Variants in CCL7 observed in about 807,000 individuals in gnomAD.
CCL7 encodes the protein C-C motif chemokine ligand 7.
A neutral mutation model predicts 7.1 loss-of-function variants in CCL7; 8 were observed. That is an observed-to-expected ratio of 1.13 (90% CI 0.66 to 2.04). CCL7 has a LOEUF of 2.04. Ranked by LOEUF, CCL7 falls within the 30% of genes most tolerant of loss-of-function variation. CCL7 has a pLI of 0.00. For synonymous variants in CCL7, 46 were observed against 41.2 expected (o/e 1.12, Z -0.45); for missense variants, 134 against 113.6 (o/e 1.18, Z -0.82).
Position 34,271,810 on chromosome 17 carries a change from T to C in CCL7, c.*8T>C, listed in dbSNP as rs764525394. 3 of 1,563,234 alleles carry C rather than the reference T, an allele frequency of 1.9e-6. No homozygotes were observed. The highest frequency in any genetic ancestry group is 2.2e-5 in the South Asian group (2 of 89,138). On this transcript the variant is annotated 3_prime_UTR_variant, in exon 3 of 3. Coordinates refer to ENST00000378569, the MANE Select transcript of CCL7 (RefSeq NM_006273.4). ...CAAACTCCAAAGCTTTGAACATTCA[T>C]GACTGAACTGAAAACAAGCCATGAC... is the stretch of plus-strand genomic sequence containing the variant.
chr17:34,270,747 C>T (rs1224449175), intron 1 of CCL7, among the ~76,000 whole-genome samples: 1 of 152,192 alleles, frequency 6.6e-6, no homozygotes, highest in African/African-American at 2.4e-5. Context: ...GGAAGCCCAG[C>T]TTCCAGAAAC....
chr17:34,270,749 T>C (rs1222358102), intron 1 of CCL7, among the ~76,000 whole-genome samples: 3 of 152,176 alleles, frequency 2.0e-5, no homozygotes, highest in Non-Finnish European at 4.4e-5. Flanking sequence ...AAGCCCAGCT[T>C]CCAGAAACAG....
In CCL7 at chr17:34,271,807, T is replaced by A. The variant is rs1266944011; in HGVS notation, c.*5T>A. On this transcript the variant is annotated 3_prime_UTR_variant, in exon 3 of 3. Coordinates refer to ENST00000378569, the MANE Select transcript of CCL7 (RefSeq NM_006273.4). ...ACCCAAACTCCAAAGCTTTGAACAT[T>A]CATGACTGAACTGAAAACAAGCCAT... 1.3e-6 allele frequency: 2 copies of A among 1,583,302 alleles called. No individual in the cohort carries two copies. The highest frequency in any genetic ancestry group is 1.7e-5 in the Admixed American group (1 of 58,788).
Position 34,271,882 on chromosome 17 carries a change from C to A in CCL7, c.*80C>A. On this transcript the variant is annotated 3_prime_UTR_variant, in exon 3 of 3. Transcript: ENST00000378569. ...TACCCTGTCCTTTCTCAGAGTGGTT[C>A]TGAGATTATTTTAATCTAATTCTAA... The A allele has an allele frequency of 1.2e-6, 1 of 810,824 alleles. No individual in the cohort carries two copies. The highest frequency in any genetic ancestry group is 1.8e-5 in the African/African-American group (1 of 56,998). The allele number at this position is 810,824 out of a possible 1,614,324, so 50.2% of individuals were successfully genotyped here. A position where few individuals can be genotyped will look rare whatever the true frequency, so the allele number is the denominator to read the frequency against.
chr17:34,270,499 G>A (rs1036999871), intron 1 of CCL7, 133 bp downstream of exon 1: 10 of 724,582 alleles, frequency 1.4e-5, no homozygotes, highest in Non-Finnish European at 2.0e-5. Flanking sequence ...CTTAGAAAAA[G>A]GATAAGGGGT....
In CCL7 at chr17:34,271,952, G is replaced by T. The variant is rs1404330694; in HGVS notation, c.*150G>T. The T allele has an allele frequency of 1.2e-5, 7 of 583,688 alleles. No individual in the cohort carries two copies. In the Admixed American group the frequency reaches 1.5e-4, roughly 12 times the overall value. 36.2% of individuals were successfully genotyped at this position (583,688 alleles called of 1,614,324 possible). A position where few individuals can be genotyped will look rare whatever the true frequency, so the allele number is the denominator to read the frequency against. On this transcript the variant is annotated 3_prime_UTR_variant, in exon 3 of 3. Coordinates refer to ENST00000378569, the MANE Select transcript of CCL7 (RefSeq NM_006273.4). ...ATAATGTGAATCATGGTTTTTCTTA[G>T]TAGATTTTAAAAGTTATTAATATTT...
Position 34,271,805 on chromosome 17 carries a change from A to T in CCL7, c.*3A>T. ...AAACCCAAACTCCAAAGCTTTGAAC[A>T]TTCATGACTGAACTGAAAACAAGCC... On this transcript the variant is annotated 3_prime_UTR_variant, in exon 3 of 3. Transcript: ENST00000378569. 1 of 1,586,402 alleles carries T rather than the reference A, an allele frequency of 6.3e-7. No homozygotes were observed. The highest frequency in any genetic ancestry group is 8.6e-7 in the Non-Finnish European group (1 of 1,156,878).
chr17:34,271,099 C>T, intron 1 of CCL7, 47 bp from the exon 2 acceptor site: 6 of 1,613,324 alleles, frequency 3.7e-6, no homozygotes, highest in Non-Finnish European at 5.1e-6. Context: ...ACAGAAAGAC[C>T]CAGGACACAC....
rs771528248 is a variant in CCL7 at position 34,270,290 on chromosome 17, C to T, written c.-1C>T. 24 of 1,614,206 alleles carry T rather than the reference C, an allele frequency of 1.5e-5. No homozygotes were observed. The highest frequency in any genetic ancestry group is 2.0e-5 in the Non-Finnish European group (24 of 1,180,016). On this transcript the variant is annotated 5_prime_UTR_variant, in exon 1 of 3. Coordinates refer to ENST00000378569, the MANE Select transcript of CCL7 (RefSeq NM_006273.4). ...GGAAGCCCATGCCCTCACCCTCCAACATGAAAGCCTCTGCAGCACTTCTGT... is the reference window on the plus strand; with the variant it reads ...GGAAGCCCATGCCCTCACCCTCCAATATGAAAGCCTCTGCAGCACTTCTGT...
intron 2 of CCL7, 50 bp from the exon 3 acceptor site, chr17:34,271,647 G>A (rs748134703): frequency 8.0e-7 from 1 of 1,254,652 alleles, no homozygotes; most frequent in Non-Finnish European, 1.2e-6. Context: ...CACACTCCCA[G>A]GCTGAACCCT....
In CCL7 at chr17:34,271,763, G is replaced by A. The variant is rs201088007; in HGVS notation, c.261G>A (p.Met87Ile). The A allele has an allele frequency of 2.5e-6, 4 of 1,613,010 alleles. No homozygotes were observed. The African/African-American group carries it at 4.0e-5, about 16-fold the overall frequency. Residue 87 changes from methionine to isoleucine, a missense_variant, in exon 3 of 3, where the codon ATG becomes ATA. Coordinates refer to ENST00000378569, the MANE Select transcript of CCL7 (RefSeq NM_006273.4). ...DPTQKWVQDF[M>I]KHLDKKTQTP... ...CACAGAAGTGGGTCCAGGACTTTATGAAGCACCTGGACAAGAAAACCCAAA... is the reference window on the plus strand; with the variant it reads ...CACAGAAGTGGGTCCAGGACTTTATAAAGCACCTGGACAAGAAAACCCAAA...
At chr17:34,270,922 G>A (rs1384305244) in intron 1 of CCL7, among the ~76,000 whole-genome samples, 2 of 152,100 alleles carry the variant, frequency 1.3e-5, no homozygotes, top group South Asian at 2.1e-4. Flanking sequence ...TTCCTCTTCC[G>A]TCTTTCAACT....
At chr17:34,271,637 C>T in intron 2 of CCL7, 60 bp from the exon 3 acceptor site, 2 of 1,099,620 alleles carry the variant, frequency 1.8e-6, no homozygotes, top group Admixed American at 4.4e-5. Context: ...TAGACTTGGT[C>T]ACACTCCCAG....
chr17:34,271,019 A>G (rs1454582793), intron 1 of CCL7, 127 bp from the exon 2 acceptor site: 1 of 1,544,076 alleles, frequency 6.5e-7, no homozygotes, highest in African/African-American at 1.4e-5. Flanking sequence ...TGGGTTTGGG[A>G]TGGGCAGCTT....
In CCL7 at chr17:34,271,251, G is replaced by A. The variant is rs144441861; in HGVS notation, c.182G>A (p.Arg61Gln). 1.0e-4 allele frequency: 168 copies of A among 1,613,840 alleles called. No individual in the cohort carries two copies. In the African/African-American group the frequency reaches 1.5e-3, roughly 15 times the overall value. The change falls in exon 2 of 3, where the codon CGG becomes CAG. Residue 61 changes from arginine to glutamine, a missense_variant. Transcript: ENST00000378569. ...YRRTTSSHCP[R>Q]EAVIFKTKLD... ...AGGACCACCAGTAGCCACTGTCCCC[G>A]GGAAGCTGTAATGTATGTGGACGAT...
At chr17:34,270,970 G>C in intron 1 of CCL7, 176 bp from the exon 2 acceptor site, 1 of 1,365,584 alleles carries the variant, frequency 7.3e-7, no homozygotes, top group Non-Finnish European at 9.7e-7. Flanking sequence ...CCATAAAAGT[G>C]AAAGGGAGTT....
rs762091413 is a variant in CCL7 at position 34,271,737 on chromosome 17, A to C, written c.235A>C (p.Thr79Pro). Reference sequence around the variant, plus strand: ...GGACAAGGAGATCTGTGCTGACCCCACACAGAAGTGGGTCCAGGACTTTAT... The same window carrying C: ...GGACAAGGAGATCTGTGCTGACCCCCCACAGAAGTGGGTCCAGGACTTTAT... Reference protein sequence around the residue: ...KLDKEICADPTQKWVQDFMKH... With the variant: ...KLDKEICADPPQKWVQDFMKH... The change falls in exon 3 of 3, where the codon ACA (threonine) becomes CCA (proline). Residue 79 changes from threonine (T) to proline (P), a missense_variant. Transcript: ENST00000378569. 2 of 1,613,130 alleles carry C rather than the reference A, an allele frequency of 1.2e-6. No individual in the cohort carries two copies. The highest frequency in any genetic ancestry group is 1.7e-6 in the Non-Finnish European group (2 of 1,179,714).
At position 34,271,407 on chromosome 17, in the gene CCL7, T is replaced by G. The variant is rs1444917925; in HGVS notation, c.194+144T>G. The G allele has an allele frequency of 6.9e-5, 50 of 720,380 alleles. No individual in the cohort carries two copies. The East Asian group carries it at 1.3e-3, about 18-fold the overall frequency. The allele number at this position is 720,380 out of a possible 1,614,324, so 44.6% of individuals were successfully genotyped here. On this transcript the variant is annotated intron_variant, in intron 2 of 2. Coordinates refer to ENST00000378569, the MANE Select transcript of CCL7 (RefSeq NM_006273.4). ...TAACCTTATCCCAGACATTTGCCAG[T>G]GAGAAACAATACAAGTAAAGAAAGT...
rs1462520491 is a variant in CCL7 at position 34,271,975 on chromosome 17, T to A, written c.*173T>A. The A allele has an allele frequency of 7.5e-6, 4 of 536,068 alleles. No individual in the cohort carries two copies. The highest frequency in any genetic ancestry group is 1.3e-5 in the Non-Finnish European group (4 of 308,236). The allele number at this position is 536,068 out of a possible 1,614,324, so 33.2% of individuals were successfully genotyped here. On this transcript the variant is annotated 3_prime_UTR_variant, in exon 3 of 3. Coordinates refer to ENST00000378569, the MANE Select transcript of CCL7 (RefSeq NM_006273.4). Reference sequence around the variant, plus strand: ...TAGTAGATTTTAAAAGTTATTAATATTTTAATTTAATCTTCCATGGATTTT... The same window carrying A: ...TAGTAGATTTTAAAAGTTATTAATAATTTAATTTAATCTTCCATGGATTTT...
Sources: gnomAD v4.1 joint callset for allele counts (sites outside exome capture counted in the v4.1 genomes callset) on GRCh38, gnomAD v4.1.1 for gene constraint, MANE v1.5 for transcripts, NCBI Gene and HGNC (gene_info 2026-07-23, HGNC 2026-07-21) for gene names.